The following MFSD11 variants were observed in gnomAD, a reference collection of about 807,000 sequenced individuals.
MFSD11 encodes major facilitator superfamily domain containing 11, also known as UNC93-like protein MFSD11.
A neutral mutation model predicts 53.5 loss-of-function variants in MFSD11; 36 were observed. The ratio of observed to expected loss-of-function variants is 0.67; its 90% CI spans 0.52 to 0.89. The LOEUF is 0.89. Ranked by LOEUF, MFSD11 falls within the 40% of genes least tolerant of loss-of-function variation. The pLI is 0.00. For missense variants in MFSD11, 530 were observed against 543.9 expected (o/e 0.97, Z 0.25); for synonymous variants, 186 against 184.9 (o/e 1.01, Z -0.05).
In MFSD11 at chr17:76,744,396, C is replaced by A. The variant is rs763350082; in HGVS notation, c.571C>A (p.Arg191=). Residue 191 remains arginine, a synonymous_variant, in exon 7 of 13, where the codon CGG becomes AGG. Transcript: ENST00000685175. The stretch of plus-strand genomic sequence containing the variant: ...GGGGACAGTTCTATTCTTTCTCATT[C>A]GGAAACCAGATTCTGAAAATGTCCT... ...LVGTVLFFLI[R]KPDSENVLGE... The A allele has an allele frequency of 6.2e-7, 1 of 1,614,014 alleles. No individual in the cohort carries two copies. The highest frequency in any genetic ancestry group is 2.2e-5 in the East Asian group (1 of 44,880).
chr17:76,747,952 T>C (rs1381655695), intron 7 of MFSD11: 1 of 152,216 alleles, frequency 6.6e-6, no homozygotes, highest in Non-Finnish European at 1.5e-5. Context: ...GTGGCAGCCC[T>C]CTTCTATGCC....
rs1254613138 is a variant in MFSD11 at position 76,738,360 on chromosome 17, C to A, written c.8C>A (p.Pro3Gln). 2 of 1,613,770 alleles carry A rather than the reference C, an allele frequency of 1.2e-6. No individual in the cohort carries two copies. Among genetic ancestry groups the A allele is most frequent in the African/African-American group, 2.7e-5 (2 of 74,918 alleles). ...CGGCAGAGCTGAGCCAAAATGTCCC[C>A]GGAATCTAAAAAGCTTTTCAACATC... MSPESKKLFNIII... is the reference protein window; with the variant it reads MSQESKKLFNIII... The change falls in exon 1 of 13, where the codon CCG becomes CAG. Residue 3 changes from proline to glutamine, a missense_variant. Physicochemically the swap from Pro to Gln is moderately conservative, Grantham distance 76 (BLOSUM62 -1). Transcript: ENST00000685175.
chr17:76,748,223 A>T (rs1372519973), intron 7 of MFSD11, among the ~76,000 whole-genome samples: 1 of 152,054 alleles, frequency 6.6e-6, no homozygotes, highest in African/African-American at 2.4e-5. Flanking sequence ...TCCAAGAAGG[A>T]AGAAGTGGAA....
chr17:76,795,746 C>T, the MFSD11 span, among the ~76,000 whole-genome samples: 19 of 152,084 alleles, frequency 1.2e-4, no homozygotes, highest in Non-Finnish European at 2.1e-4. Flanking sequence ...CTCCACCTCC[C>T]GGGTTTACAC....
At chr17:76,789,542 G>A in the MFSD11 span, among the ~76,000 whole-genome samples, 6 of 150,174 alleles carry the variant, frequency 4.0e-5, no homozygotes, top group African/African-American at 1.2e-4. Context: ...GGAAGCTGCT[G>A]ATCACTAGCT....
the MFSD11 span, among the ~76,000 whole-genome samples, chr17:76,787,049 AGGGTTCTCAT>A: frequency 2.0e-5 from 3 of 151,982 alleles, no homozygotes; most frequent in South Asian, 4.2e-4. Context: ...AATGTTCTCA[AGGGTTCTCAT>A]GTCTCTCGAA....
chr17:76,752,390 G>A (rs1403797268), intron 7 of MFSD11, among the ~76,000 whole-genome samples: 1 of 151,388 alleles, frequency 6.6e-6, no homozygotes, highest in Non-Finnish European at 1.5e-5. Flanking sequence ...AACTGGAAAA[G>A]TCAGGGATTT....
At chr17:76,738,879 C>T in intron 1 of MFSD11, 59 bp from the exon 2 acceptor site, 1 of 1,386,190 alleles carries the variant, frequency 7.2e-7, no homozygotes, top group African/African-American at 1.4e-5. Context: ...GTCACACTTC[C>T]CAAGGGTGGG....
At chr17:76,740,840 AAAT>A (rs2078003076) in intron 2 of MFSD11, 114 bp from the exon 3 acceptor site, 2 of 646,106 alleles carry the variant, frequency 3.1e-6, no homozygotes, top group African/African-American at 1.8e-5. Flanking sequence ...AATTCTGACT[AAAT>A]AATATGAGTG....
At chr17:76,751,937 C>T (rs1055369803) in intron 7 of MFSD11, among the ~76,000 whole-genome samples, 2 of 152,100 alleles carry the variant, frequency 1.3e-5, no homozygotes, top group Admixed American at 1.3e-4. Context: ...ACTCCAAAGC[C>T]CTTGTTTCAA....
intron 10 of MFSD11, among the ~76,000 whole-genome samples, chr17:76,771,291 A>G (rs1207920075): frequency 6.6e-6 from 1 of 152,254 alleles, no homozygotes; most frequent in Non-Finnish European, 1.5e-5. Flanking sequence ...ATCACTGAGG[A>G]AATTCCAGGC....
At chr17:76,737,074 C>A, upstream of MFSD11, 1 of 1,612,848 alleles carries the variant, frequency 6.2e-7, no homozygotes, top group Non-Finnish European at 8.5e-7. Context: ...CGCGCCTCAG[C>A]GTGTCGGGCG....
intron 2 of MFSD11, among the ~76,000 whole-genome samples, chr17:76,740,173 CAAAAA>C (rs11289503): frequency 1.3e-5 from 1 of 76,684 alleles, no homozygotes; most frequent in African/African-American, 4.8e-5. Flanking sequence ...GGCTCCGTCT[CAAAAA>C]AAAAAAAAAA....
chr17:76,748,281 TTTC>T (rs1424543010), intron 7 of MFSD11, among the ~76,000 whole-genome samples: 1 of 152,184 alleles, frequency 6.6e-6, no homozygotes, highest in Non-Finnish European at 1.5e-5. Flanking sequence ...AGGTTTGTGT[TTTC>T]TTCTTAGTGT....
At chr17:76,793,655 T>C in the MFSD11 span, among the ~76,000 whole-genome samples, 1 of 151,456 alleles carries the variant, frequency 6.6e-6, no homozygotes, top group African/African-American at 2.5e-5. Flanking sequence ...AGGGTATTGA[T>C]TGGGGAAGTG....
chr17:76,742,046 C>G lies in MFSD11; in HGVS notation c.338C>G (p.Ala113Gly). ...TCTGTTTTCATTGGAATTGCTGCTG[C>G]TGGTAAGCATTTTGATTTTTAACTT... ...TASVFIGIAA[A>G]VLWTAQGNCL... is the part of the protein sequence containing the mutation. The change falls in exon 4 of 13, where the codon GCT (alanine) becomes GGT (glycine). Residue 113 changes from alanine to glycine, a missense_variant and splice_region_variant. Ala to Gly is a moderately conservative substitution (Grantham distance 60). Coordinates refer to ENST00000685175, the MANE Select transcript of MFSD11 (RefSeq NM_001242532.5). 1 of 1,614,156 alleles carries G rather than the reference C, an allele frequency of 6.2e-7. No individual in the cohort carries two copies.
chr17:76,794,068 G>A, the MFSD11 span, among the ~76,000 whole-genome samples: 13 of 151,534 alleles, frequency 8.6e-5, no homozygotes, highest in Middle Eastern at 3.4e-3. Flanking sequence ...CAGGAGACCC[G>A]TCTTGCACTT....
intron 6 of MFSD11, 107 bp downstream of exon 6, chr17:76,743,563 A>G (rs1428110153): frequency 1.6e-6 from 1 of 613,638 alleles, no homozygotes; most frequent in Non-Finnish European, 2.7e-6. Flanking sequence ...ATGAACCCCG[A>G]CACCTCAAGT....
chr17:76,774,768 C>T (rs975953045), intron 10 of MFSD11, among the ~76,000 whole-genome samples: 5 of 152,186 alleles, frequency 3.3e-5, no homozygotes, highest in Non-Finnish European at 5.9e-5. Flanking sequence ...AGAAGAAATA[C>T]AAGAATGTTC....
Sources: allele counts gnomAD v4.1 joint callset (sites outside exome capture counted in the v4.1 genomes callset), GRCh38; gene constraint gnomAD v4.1.1; transcripts MANE v1.5; gene names NCBI Gene and HGNC (gene_info 2026-07-23, HGNC 2026-07-21).